Variants in INSRR observed in about 807,000 individuals in gnomAD.
INSRR encodes the protein insulin receptor-related protein.
Under a neutral mutation model 130.0 loss-of-function variants are expected in INSRR, and 114 were observed. That is an observed-to-expected ratio of 0.88 (90% confidence interval 0.75 to 1.02). The LOEUF (loss-of-function observed/expected upper bound fraction) is 1.02. Ranked by LOEUF, INSRR falls within the 50% of genes least tolerant of loss-of-function variation. The pLI, the probability that INSRR is intolerant of heterozygous loss-of-function variation, is 0.00. For synonymous variants in INSRR, 674 were observed against 705.2 expected, an observed-to-expected ratio of 0.96 and a Z score of 0.70; for missense variants, 1,657 against 1,735.2, an observed-to-expected ratio of 0.95 and a Z score of 0.80.
Position 156,840,938 on chromosome 1 carries a change from C to T in INSRR, c.3829G>A (p.Ala1277Thr), listed in dbSNP as rs1431519685. Residue 1277 changes from alanine to threonine, a missense_variant, in exon 22 of 22, where the codon GCA becomes ACA. By Grantham distance (58) the Ala-to-Thr change is moderately conservative (BLOSUM62 0). Transcript: ENST00000368195. ...GGAGTGGGTGAGGAGTCAGGCTCTG[C>T]ATCGGTGGTAGGCAGGGAGCCCCGG... is the stretch of plus-strand genomic sequence containing the variant. The part of the protein sequence containing the change: ...GARGSLPTTD[A>T]EPDSSPTPRD... 1 of 1,614,092 alleles carries T rather than the reference C, an allele frequency of 6.2e-7. No homozygotes were observed.
chr1:156,840,505 C>A lies in INSRR; in HGVS notation c.*368G>T, dbSNP rs935446715. ...ATTGCTCATCTGATTTCAAACATGT[C>A]GCTGGCCCTACCTGTCCAGAGGAGA... On this transcript the variant is annotated 3_prime_UTR_variant, in exon 22 of 22. Transcript: ENST00000368195. 9.0e-6 allele frequency: 2 copies of A among 221,228 alleles called. No individual in the cohort carries two copies. The highest frequency in any genetic ancestry group is 2.3e-5 in the African/African-American group (1 of 43,264). 13.7% of individuals were successfully genotyped at this position (221,228 alleles called of 1,614,324 possible). A position where few individuals can be genotyped will look rare whatever the true frequency, so the allele number is the denominator to read the frequency against.
In INSRR at chr1:156,854,685, A is replaced by C. The variant is rs1655347456; in HGVS notation, c.86-382T>G. ...GTACGTCCTGTGGGTTTATCTTTAA[A>C]ATATGTCCAGGATCTGAACTGCTTG... is the stretch of plus-strand genomic sequence containing the variant. On this transcript the variant is annotated intron_variant, in intron 1 of 21. Coordinates refer to ENST00000368195, the MANE Select transcript of INSRR (RefSeq NM_014215.3). The surrounding 1 kb of genome is among the most constrained non-coding windows in gnomAD (Gnocchi z 4.2). Among the ~76,000 whole-genome samples the C allele has an allele frequency of 1.3e-5, 2 of 152,114 alleles. No homozygotes were observed. Among genetic ancestry groups the C allele is most frequent in the Admixed American group, 6.5e-5 (1 of 15,278 alleles).
At chr1:156,847,901 A>G (rs934815741) in intron 7 of INSRR, among the ~76,000 whole-genome samples, 3 of 152,098 alleles carry the variant, frequency 2.0e-5, no homozygotes, top group African/African-American at 7.2e-5. Context: ...ATAGTTGTGC[A>G]GATTGTGAAG....
chr1:156,845,930 C>T (rs1654990182), intron 9 of INSRR, 22 bp downstream of exon 9: 1 of 1,606,826 alleles, frequency 6.2e-7, no homozygotes, highest in South Asian at 1.1e-5. Flanking sequence ...CCGCGGCCGG[C>T]CTGCGCGTCG....
At chr1:156,851,016 T>C (rs1655186225) in intron 5 of INSRR, among the ~76,000 whole-genome samples, 1 of 152,236 alleles carries the variant, frequency 6.6e-6, no homozygotes. Context: ...GTGACTGTAA[T>C]TTATATTGTA....
rs1655502573 is a variant in INSRR at position 156,858,791 on chromosome 1, A to C, written c.-170T>G. 1.6e-6 allele frequency: 1 copy of C among 620,844 alleles called. No individual in the cohort carries two copies. Among genetic ancestry groups the C allele is most frequent in the African/African-American group, 1.8e-5 (1 of 54,424 alleles). 38.5% of individuals were successfully genotyped at this position (620,844 alleles called of 1,614,324 possible). A position where few individuals can be genotyped will look rare whatever the true frequency, so the allele number is the denominator to read the frequency against. ...GAGACAGCAGGAGACAGAAAAAAAGAAATGAGAGTCACAGAGACACAAAGA... is the reference window on the plus strand; with the variant it reads ...GAGACAGCAGGAGACAGAAAAAAAGCAATGAGAGTCACAGAGACACAAAGA... On this transcript the variant is annotated 5_prime_UTR_variant, in exon 1 of 22. Transcript: ENST00000368195.
At position 156,845,682 on chromosome 1, in the gene INSRR, G is replaced by C. The variant is rs762739029; in HGVS notation, c.2111C>G (p.Ala704Gly). 6.2e-7 allele frequency: 1 copy of C among 1,611,548 alleles called. No homozygotes were observed. Among genetic ancestry groups the C allele is most frequent in the African/African-American group, 1.3e-5 (1 of 74,784 alleles). ...PPGQVLPPLEAQEASFQKKFE... is the reference protein window; with the variant it reads ...PPGQVLPPLEGQEASFQKKFE... ...CTTCTTCTGGAACGAGGCCTCTTGC[G>C]CCTCCAGCGGGGGCAGAACCTGACC... The change falls in exon 10 of 22, where the codon GCG becomes GGG. Residue 704 changes from alanine to glycine, a missense_variant. By Grantham distance (60) the Ala-to-Gly change is moderately conservative (BLOSUM62 0). Coordinates refer to ENST00000368195, the MANE Select transcript of INSRR (RefSeq NM_014215.3).
chr1:156,851,593 G>A, intron 4 of INSRR, 53 bp downstream of exon 4: 1 of 1,612,778 alleles, frequency 6.2e-7, no homozygotes, highest in Non-Finnish European at 8.5e-7. Context: ...GGTTGTGTCT[G>A]GGAGGAAGGG....
chr1:156,844,719 G>T lies in INSRR; in HGVS notation c.2562C>A (p.Arg854=). 6.2e-7 allele frequency: 1 copy of T among 1,614,154 alleles called. No homozygotes were observed. Among genetic ancestry groups the T allele is most frequent in the Non-Finnish European group, 8.5e-7 (1 of 1,180,032 alleles). Residue 854 remains arginine (R), a synonymous_variant, in exon 13 of 22, where the codon CGC becomes CGA. Transcript: ENST00000368195. Reference sequence around the variant, plus strand: ...CACGGGCACCTACCTCTCCCAAGCGGCGGTACTTGATTTCGTACTTGAGGA... The same window carrying T: ...CACGGGCACCTACCTCTCCCAAGCGTCGGTACTTGATTTCGTACTTGAGGA... ...GLILKYEIKY[R]RLGEEATVLC...
chr1:156,854,430 G>A lies in INSRR; in HGVS notation c.86-127C>T, dbSNP rs1246679303. ...GAGTGAGGAGCCGGGCTCTGCTCTG[G>A]GTGTGGGGTGGCCTCCTTCCTGGGC... On this transcript the variant is annotated intron_variant, in intron 1 of 21. Coordinates refer to ENST00000368195, the MANE Select transcript of INSRR (RefSeq NM_014215.3). This position sits in a 1 kb window ranked among gnomAD's most constrained non-coding sequence, Gnocchi z 4.2. 16 of 1,020,618 alleles carry A rather than the reference G, an allele frequency of 1.6e-5. No individual in the cohort carries two copies. The highest frequency in any genetic ancestry group is 3.3e-5 in the South Asian group (2 of 60,704). 63.2% of individuals were successfully genotyped at this position (1,020,618 alleles called of 1,614,324 possible).
At chr1:156,845,546 A>AGACCCC in intron 10 of INSRR, 73 bp downstream of exon 10, 1 of 392,140 alleles carries the variant, frequency 2.6e-6, no homozygotes, top group Non-Finnish European at 3.7e-6. Context: ...CACAAACCCC[A>AGACCCC]CCCCTCCCGC....
intron 15 of INSRR, 95 bp downstream of exon 15, chr1:156,844,080 T>G: frequency 1.2e-6 from 1 of 867,948 alleles, no homozygotes; most frequent in Non-Finnish European, 1.9e-6. Context: ...ATGGAAGACC[T>G]GTCTTTCTAC....
intron 1 of INSRR, among the ~76,000 whole-genome samples, chr1:156,858,176 A>T (rs1006072861): frequency 7.2e-5 from 11 of 152,100 alleles, no homozygotes; most frequent in African/African-American, 2.7e-4. Flanking sequence ...GTTCTCAGCT[A>T]CCTATCCCAC....
chr1:156,844,915 C>G lies in INSRR; in HGVS notation c.2438-72G>C, dbSNP rs75057102. Reference sequence around the variant, plus strand: ...ACCTTATGTTCAAACCCAAGCTAAACTGGGCTGAGCTGGGAGGTGGGGAAA... The same window carrying G: ...ACCTTATGTTCAAACCCAAGCTAAAGTGGGCTGAGCTGGGAGGTGGGGAAA... On this transcript the variant is annotated intron_variant, in intron 12 of 21. Transcript: ENST00000368195. 3,909 of 1,591,030 alleles carry G rather than the reference C, an allele frequency of 2.5e-3. 49 individuals are homozygous for G. Among genetic ancestry groups the G allele is most frequent in the East Asian group, 0.022 (999 of 44,616 alleles).
intron 17 of INSRR, 51 bp downstream of exon 17, chr1:156,842,953 A>T (rs377391336): frequency 2.7e-5 from 38 of 1,406,922 alleles, no homozygotes; most frequent in Non-Finnish European, 3.4e-5. Flanking sequence ...TTCTTACCAC[A>T]TGACCTTTAC....
chr1:156,840,592 G>T lies in INSRR; in HGVS notation c.*281C>A, dbSNP rs1345095233. ...GCCCCCTCTTCCTAGTCTGAGTGGG[G>T]TCCCTACCTCTGAGGGCAGGACATC... is the stretch of plus-strand genomic sequence containing the variant. On this transcript the variant is annotated 3_prime_UTR_variant, in exon 22 of 22. Transcript: ENST00000368195. The T allele has an allele frequency of 1.4e-5, 7 of 487,952 alleles. No homozygotes were observed. The highest frequency in any genetic ancestry group is 2.2e-5 in the Non-Finnish European group (6 of 267,562). 30.2% of individuals were successfully genotyped at this position (487,952 alleles called of 1,614,324 possible). A position where few individuals can be genotyped will look rare whatever the true frequency, so the allele number is the denominator to read the frequency against.
At position 156,845,162 on chromosome 1, in the gene INSRR, C is replaced by G. The variant is rs1314258343; in HGVS notation, c.2351G>C (p.Arg784Pro). 2 of 1,611,362 alleles carry G rather than the reference C, an allele frequency of 1.2e-6. No homozygotes were observed. Among genetic ancestry groups the G allele is most frequent in the African/African-American group, 2.7e-5 (2 of 74,904 alleles). ...GTGGTTGCAGGCATGGATGTCGATC[C>G]GGTATTCCGTGAAGTGGCGCAGGCC... is the stretch of plus-strand genomic sequence containing the variant. ...LSGLRHFTEY[R>P]IDIHACNHAA... The change falls in exon 12 of 22, where the codon CGG (arginine) becomes CCG (proline). Residue 784 changes from arginine to proline, a missense_variant. Coordinates refer to ENST00000368195, the MANE Select transcript of INSRR (RefSeq NM_014215.3).
In INSRR at chr1:156,848,715, T is replaced by G. The variant is rs146292433; in HGVS notation, c.1571+206A>C. 1.3e-3 allele frequency among the ~76,000 whole-genome samples: 201 copies of G among 152,274 alleles called. 1 individual carries two copies. In the East Asian group the frequency reaches 0.025, roughly 19 times the overall value. On this transcript the variant is annotated intron_variant, in intron 7 of 21. Coordinates refer to ENST00000368195, the MANE Select transcript of INSRR (RefSeq NM_014215.3). ...AGAAGCCCTGTCTTCTCCATTTCACTTGGTGAGGGGAAACCGAGGCATGAA... is the reference window on the plus strand; with the variant it reads ...AGAAGCCCTGTCTTCTCCATTTCACGTGGTGAGGGGAAACCGAGGCATGAA...
intron 16 of INSRR, 75 bp downstream of exon 16, chr1:156,843,352 T>C (rs1441578143): frequency 6.3e-7 from 1 of 1,578,072 alleles, no homozygotes; most frequent in Non-Finnish European, 8.7e-7. Context: ...TGCAAGAAGG[T>C]CTTCTGGAAG....
Sources: gnomAD v4.1 joint callset for allele counts (sites outside exome capture counted in the v4.1 genomes callset) on GRCh38, gnomAD v4.1.1 for gene constraint, Gnocchi (gnomAD v3.1) non-coding constraint, MANE v1.5 for transcripts, NCBI Gene and HGNC (gene_info 2026-07-23, HGNC 2026-07-21) for gene names.